Variants in RSBN1L observed in about 807,000 individuals in gnomAD.
RSBN1L encodes round spermatid basic protein 1 like.
Under a neutral mutation model 67.7 loss-of-function variants are expected in RSBN1L, and 30 were observed. That is an observed-to-expected ratio of 0.44 (90% CI 0.33 to 0.60). The LOEUF (loss-of-function observed/expected upper bound fraction) is 0.60. Ranked by LOEUF, RSBN1L falls within the 20% of genes least tolerant of loss-of-function variation. RSBN1L has a pLI of 0.02. For missense variants in RSBN1L, 992 were observed against 1,031.7 expected (o/e 0.96, Z 0.53); for synonymous variants, 433 against 387.0 (o/e 1.12, Z -1.39).
In RSBN1L at chr7:77,725,243, A is replaced by AATTTTTTTTTTTTTT. The variant is rs1554338354; in HGVS notation, c.587-11167_587-11166insATTTTTTTTTTTTTT. 3.3e-4 allele frequency among the ~76,000 whole-genome samples: 19 copies of AATTTTTTTTTTTTTT among 57,918 alleles called. 1 individual carries two copies. The highest frequency in any genetic ancestry group is 1.7e-3 in the African/African-American group (19 of 11,302). The allele number at this position is 57,918 out of a possible 152,430, so 38.0% of individuals were successfully genotyped here. ...TTTCTTCCCTAGGGATAAGCCCCCC[A>AATTTTTTTTTTTTTT]CTTTTTTTTTTTTTTTTTTTTTGAG... On this transcript the variant is annotated intron_variant, in intron 1 of 7. Transcript: ENST00000334955.
At chr7:77,744,332 G>T (rs532683825) in intron 2 of RSBN1L, among the ~76,000 whole-genome samples, 1 of 152,172 alleles carries the variant, frequency 6.6e-6, no homozygotes, top group East Asian at 1.9e-4. Context: ...CACCATGCCT[G>T]GCCTACTGTT....
At chr7:77,754,934 T>C (rs1369429778) in intron 3 of RSBN1L, among the ~76,000 whole-genome samples, 2 of 152,136 alleles carry the variant, frequency 1.3e-5, no homozygotes, top group South Asian at 2.1e-4. Flanking sequence ...TAGAAAAAAC[T>C]AGTTTTCCAT....
chr7:77,726,197 A>T (rs528121930), intron 1 of RSBN1L, among the ~76,000 whole-genome samples: 4 of 152,350 alleles, frequency 2.6e-5, no homozygotes, highest in African/African-American at 9.6e-5. Flanking sequence ...GTTAAGAAAC[A>T]GTAGTGATGC....
At chr7:77,727,998 A>G (rs1328841683) in intron 1 of RSBN1L, among the ~76,000 whole-genome samples, 1 of 152,074 alleles carries the variant, frequency 6.6e-6, no homozygotes, top group East Asian at 1.9e-4. Flanking sequence ...TTCTGTGATA[A>G]GAGAAAATTT....
At chr7:77,742,854 A>G (rs1029067665) in intron 2 of RSBN1L, among the ~76,000 whole-genome samples, 18 of 152,244 alleles carry the variant, frequency 1.2e-4, no homozygotes, top group South Asian at 6.2e-4. Context: ...CAACAACAAC[A>G]ACGAACTATA....
intron 3 of RSBN1L, among the ~76,000 whole-genome samples, chr7:77,753,288 G>C (rs368953066): frequency 6.6e-6 from 1 of 152,138 alleles, no homozygotes; most frequent in Admixed American, 6.5e-5. Context: ...CCTTTGCCAC[G>C]GTTAGTAGTG....
intron 2 of RSBN1L, among the ~76,000 whole-genome samples, chr7:77,737,693 C>G (rs1328856342): frequency 6.6e-6 from 1 of 152,120 alleles, no homozygotes; most frequent in East Asian, 1.9e-4. Context: ...TATAACCACA[C>G]TAGTTATTTA....
intron 2 of RSBN1L, 39 bp from the exon 3 acceptor site, chr7:77,749,385 A>G: frequency 7.0e-7 from 1 of 1,423,408 alleles, no homozygotes; most frequent in South Asian, 1.5e-5. Context: ...TTTTAAAGTA[A>G]TTAAAATATG....
intron 6 of RSBN1L, among the ~76,000 whole-genome samples, chr7:77,774,716 C>T (rs1023238903): frequency 6.6e-5 from 10 of 151,962 alleles, no homozygotes; most frequent in East Asian, 1.9e-4. Flanking sequence ...CAGCCTGGGG[C>T]GACAAGAGCA....
chr7:77,714,836 G>A (rs986345402), intron 1 of RSBN1L, among the ~76,000 whole-genome samples: 6 of 151,904 alleles, frequency 3.9e-5, no homozygotes, highest in South Asian at 2.1e-4. Context: ...GGTGGCAGGC[G>A]CCTGTAGTCC....
intron 3 of RSBN1L, among the ~76,000 whole-genome samples, chr7:77,750,631 TAG>T (rs1341705427): frequency 6.6e-6 from 1 of 152,186 alleles, no homozygotes; most frequent in African/African-American, 2.4e-5. Context: ...GCAGACAGAA[TAG>T]AGTCTGCTGG....
At chr7:77,731,306 T>C (rs7789173) in intron 1 of RSBN1L, among the ~76,000 whole-genome samples, 87,391 of 151,974 alleles carry the variant, frequency 0.58, 27,016 homozygotes, top group African/African-American at 0.81. Flanking sequence ...CTCTGTCTCC[T>C]GGACTCAAGT....
At chr7:77,741,432 C>T (rs930534791) in intron 2 of RSBN1L, among the ~76,000 whole-genome samples, 1 of 151,792 alleles carries the variant, frequency 6.6e-6, no homozygotes, top group African/African-American at 2.4e-5. Flanking sequence ...TGGCTCACGC[C>T]TGTAATCCCA....
chr7:77,724,718 G>A (rs768686197), intron 1 of RSBN1L, among the ~76,000 whole-genome samples: 4 of 151,982 alleles, frequency 2.6e-5, no homozygotes, highest in South Asian at 2.1e-4. Context: ...GGGCCACTGC[G>A]CCCGGCCATG....
intron 5 of RSBN1L, among the ~76,000 whole-genome samples, chr7:77,769,388 T>A (rs1791815363): frequency 6.6e-6 from 1 of 152,234 alleles, no homozygotes; most frequent in Admixed American, 6.5e-5. Flanking sequence ...ACTTAATATA[T>A]GAGATAGGTG....
At chr7:77,756,209 G>T (rs1212359644) in intron 3 of RSBN1L, among the ~76,000 whole-genome samples, 1 of 151,742 alleles carries the variant, frequency 6.6e-6, no homozygotes, top group East Asian at 1.9e-4. Flanking sequence ...TCAGTTCACT[G>T]AAACCTCTGT....
In RSBN1L at chr7:77,779,027, T is replaced by C. The variant is rs781620542; in HGVS notation, c.2400T>C (p.Ile800=). The C allele has an allele frequency of 6.2e-6, 10 of 1,613,934 alleles. No homozygotes were observed. Among genetic ancestry groups the C allele is most frequent in the Non-Finnish European group, 8.5e-6 (10 of 1,179,980 alleles). Residue 800 remains isoleucine, a synonymous_variant, in exon 8 of 8, where the codon ATT becomes ATC. Transcript: ENST00000334955. ...ATGTTCAATTTGCAGAATTTAAGAT[T>C]GACATGGATTCTAAATTTGAAAATA... ...LDHVQFAEFK[I]DMDSKFENSN...
At chr7:77,732,191 C>G (rs932106664) in intron 1 of RSBN1L, among the ~76,000 whole-genome samples, 1 of 152,142 alleles carries the variant, frequency 6.6e-6, no homozygotes, top group Non-Finnish European at 1.5e-5. Context: ...TAAAACCATA[C>G]AAATTCTTGG....
chr7:77,768,737 G>A lies in RSBN1L; in HGVS notation c.1559G>A (p.Trp520Ter). ...GATAGTGATGATGGTCCCATCATGTGGGTTCGTCCAGGAGAACAAATGATC... is the reference window on the plus strand; with the variant it reads ...GATAGTGATGATGGTCCCATCATGTAGGTTCGTCCAGGAGAACAAATGATC... ...RKDSDDGPIM[W>*]VRPGEQMIPV... The change falls in exon 5 of 8, where the codon TGG becomes TAG. Residue 520 changes from tryptophan to a stop codon, truncating the protein, a stop_gained. Transcript: ENST00000334955. LOFTEE classifies it high-confidence loss of function. 1 of 1,613,800 alleles carries A rather than the reference G, an allele frequency of 6.2e-7. No homozygotes were observed. The highest frequency in any genetic ancestry group is 8.5e-7 in the Non-Finnish European group (1 of 1,179,732).
Sources: gnomAD v4.1 joint callset for allele counts (sites outside exome capture counted in the v4.1 genomes callset) on GRCh38, gnomAD v4.1.1 for gene constraint, MANE v1.5 for transcripts, NCBI Gene and HGNC (gene_info 2026-07-23, HGNC 2026-07-21) for gene names.